Variants in VTI1A observed in about 807,000 individuals in gnomAD.
The protein encoded by VTI1A is vesicle transport through interaction with t-SNAREs homolog 1A.
Under a neutral mutation model 34.9 loss-of-function variants are expected in VTI1A, and 22 were observed. The ratio of observed to expected loss-of-function variants is 0.63; its 90% CI spans 0.45 to 0.90. The LOEUF is 0.90. VTI1A is among the 40% of genes least tolerant of loss of function. VTI1A has a pLI of 0.00. For missense variants in VTI1A, 268 were observed against 275.6 expected, an observed-to-expected ratio of 0.97 and a Z score of 0.20; for synonymous variants, 87 against 97.3, an observed-to-expected ratio of 0.89 and a Z score of 0.62.
intron 5 of VTI1A, among the ~76,000 whole-genome samples, chr10:112,662,634 T>G (rs1431054125): frequency 6.6e-6 from 1 of 152,244 alleles, no homozygotes; most frequent in East Asian, 1.9e-4. Context: ...GACTAGGATC[T>G]ATTGGGATAC....
intron 7 of VTI1A, among the ~76,000 whole-genome samples, chr10:112,795,498 A>G (rs1042750308): frequency 6.9e-6 from 1 of 144,140 alleles, no homozygotes; most frequent in Non-Finnish European, 1.5e-5. Context: ...GCATTGGCAC[A>G]GTCTCAGCTC....
chr10:112,800,898 T>C (rs1852854785), intron 7 of VTI1A, among the ~76,000 whole-genome samples: 2 of 152,206 alleles, frequency 1.3e-5, no homozygotes, highest in African/African-American at 4.8e-5. Context: ...AGAGAAGGAA[T>C]GCAGTAACTT....
intron 5 of VTI1A, among the ~76,000 whole-genome samples, chr10:112,607,433 A>G (rs1845127356): frequency 6.6e-6 from 1 of 152,112 alleles, no homozygotes. Flanking sequence ...ACTGCACTGT[A>G]CCCACTCTAC....
At chr10:112,519,620 G>A (rs1158432909) in intron 3 of VTI1A, among the ~76,000 whole-genome samples, 1 of 152,024 alleles carries the variant, frequency 6.6e-6, no homozygotes, top group Non-Finnish European at 1.5e-5. Context: ...GAAGGTAGGG[G>A]GACTCCAGCC....
chr10:112,665,375 A>T (rs1321176902), intron 5 of VTI1A, among the ~76,000 whole-genome samples: 1 of 151,816 alleles, frequency 6.6e-6, no homozygotes, highest in Non-Finnish European at 1.5e-5. Context: ...AATCATTGTG[A>T]TATATTTGGC....
chr10:112,687,335 G>C (rs1848451738), intron 7 of VTI1A, among the ~76,000 whole-genome samples: 1 of 136,386 alleles, frequency 7.3e-6, no homozygotes, highest in African/African-American at 2.8e-5. Context: ...CCGGGTTCAC[G>C]CCATTCTCCT....
At chr10:112,773,030 A>G (rs1851858512) in intron 7 of VTI1A, among the ~76,000 whole-genome samples, 1 of 152,234 alleles carries the variant, frequency 6.6e-6, no homozygotes, top group African/African-American at 2.4e-5. Flanking sequence ...ATAATTACCA[A>G]TAAGGTCGTG....
chr10:112,447,039 ACGAAG>A, upstream of VTI1A: 1 of 284,692 alleles, frequency 3.5e-6, no homozygotes, highest in Non-Finnish European at 6.9e-6. Context: ...TTCCCAGAAC[ACGAAG>A]GGGGGAAAAA....
intron 5 of VTI1A, among the ~76,000 whole-genome samples, chr10:112,664,940 T>C (rs1847589374): frequency 6.6e-6 from 1 of 152,182 alleles, no homozygotes; most frequent in Non-Finnish European, 1.5e-5. Context: ...TTTCTTAATC[T>C]CAAGAAGACC....
chr10:112,454,568 C>T (rs1402090634), intron 1 of VTI1A, among the ~76,000 whole-genome samples: 1 of 152,118 alleles, frequency 6.6e-6, no homozygotes, highest in African/African-American at 2.4e-5. Context: ...TGCCACTGCA[C>T]TCTAGCCTGG....
At chr10:112,520,052 G>A (rs1042317556) in intron 3 of VTI1A, among the ~76,000 whole-genome samples, 18 of 152,074 alleles carry the variant, frequency 1.2e-4, no homozygotes, top group Admixed American at 4.6e-4. Context: ...ACATTTTCCA[G>A]TGGGGTGTAT....
At chr10:112,547,303 G>C (rs931118324) in intron 5 of VTI1A, among the ~76,000 whole-genome samples, 1 of 151,940 alleles carries the variant, frequency 6.6e-6, no homozygotes, top group East Asian at 1.9e-4. Context: ...TAGTCCAGGC[G>C]TGGTGGCTCA....
chr10:112,674,843 A>G lies in VTI1A; in HGVS notation c.560+5845A>G, dbSNP rs539891558. The stretch of plus-strand genomic sequence containing the variant: ...TTTTGACACACTACACAAGGTTCCC[A>G]AAGGCCAGTTTGTGAATCAGAACCA... On this transcript the variant is annotated intron_variant, in intron 7 of 7. Coordinates refer to ENST00000393077, the MANE Select transcript of VTI1A (RefSeq NM_145206.4). 2.0e-5 allele frequency among the ~76,000 whole-genome samples: 3 copies of G among 152,330 alleles called. No homozygotes were observed. In the East Asian group the frequency reaches 5.8e-4, roughly 29 times the overall value.
chr10:112,588,798 G>T (rs1241739549), intron 5 of VTI1A, among the ~76,000 whole-genome samples: 1 of 152,132 alleles, frequency 6.6e-6, no homozygotes. Context: ...TTTCCTGGCA[G>T]CATTAACTTC....
At chr10:112,705,435 A>G (rs928802712) in intron 7 of VTI1A, among the ~76,000 whole-genome samples, 4 of 152,054 alleles carry the variant, frequency 2.6e-5, no homozygotes, top group Non-Finnish European at 4.4e-5. Flanking sequence ...CCATGATACT[A>G]GCTTCTATAC....
At position 112,456,803 on chromosome 10, in the gene VTI1A, C is replaced by G. The variant is rs191746778; in HGVS notation, c.95-3721C>G. The stretch of plus-strand genomic sequence containing the variant: ...ATAGAATTTTTGCCAGGAATTTGAT[C>G]AGAATGAACCAAGGAAAGAGAATAG... On this transcript the variant is annotated intron_variant, in intron 1 of 7. Transcript: ENST00000393077. 1.8e-4 allele frequency among the ~76,000 whole-genome samples: 27 copies of G among 152,260 alleles called. No individual in the cohort carries two copies. The East Asian group carries it at 5.0e-3, about 28-fold the overall frequency.
intron 7 of VTI1A, among the ~76,000 whole-genome samples, chr10:112,775,015 G>T (rs1379427880): frequency 6.6e-6 from 1 of 152,162 alleles, no homozygotes. Flanking sequence ...CCAGTCAATG[G>T]CTGCCTCAGT....
intron 1 of VTI1A, among the ~76,000 whole-genome samples, chr10:112,455,152 CCCCTT>C (rs1450467331): frequency 1.1e-5 from 1 of 93,108 alleles, no homozygotes; most frequent in African/African-American, 4.2e-5. Flanking sequence ...TCAGTTCCCT[CCCCTT>C]CCCTCCTCCC....
chr10:112,593,702 G>A (rs1416232218), intron 5 of VTI1A, among the ~76,000 whole-genome samples: 4 of 152,090 alleles, frequency 2.6e-5, no homozygotes, highest in Non-Finnish European at 5.9e-5. Flanking sequence ...GTGTGAACTC[G>A]TTTATTCAGG....
Sources: gnomAD v4.1 joint callset for allele counts (sites outside exome capture counted in the v4.1 genomes callset) on GRCh38, gnomAD v4.1.1 for gene constraint, MANE v1.5 for transcripts, NCBI Gene and HGNC (gene_info 2026-07-23, HGNC 2026-07-21) for gene names.